Variants in CENPP observed in about 807,000 individuals in gnomAD.
CENPP encodes the protein centromere protein P.
CENPP carries 24 observed loss-of-function variants against 35.6 expected under a neutral mutation model. The observed-to-expected ratio is 0.67, with a 90% confidence interval of 0.49 to 0.95. CENPP has a LOEUF of 0.95. Ranked by LOEUF, CENPP falls within the 40% of genes least tolerant of loss-of-function variation. The pLI is 0.00. For synonymous variants in CENPP, 120 were observed against 125.5 expected, an observed-to-expected ratio of 0.96 and a Z score of 0.29; for missense variants, 332 against 345.3, an observed-to-expected ratio of 0.96 and a Z score of 0.31.
At chr9:92,417,557 A>G in intron 5 of CENPP, 4 of 1,550,902 alleles carry the variant, frequency 2.6e-6, no homozygotes, top group South Asian at 1.2e-5. Flanking sequence ...TAAAAAACCC[A>G]TCTTCTTTTT....
At chr9:92,560,030 C>T (rs1197572938) in intron 5 of CENPP, among the ~76,000 whole-genome samples, 1 of 152,124 alleles carries the variant, frequency 6.6e-6, no homozygotes, top group Non-Finnish European at 1.5e-5. Flanking sequence ...GTCCCTGCTA[C>T]TTGGGAGGCT....
At chr9:92,420,416 T>G (rs1843753939) in intron 5 of CENPP, among the ~76,000 whole-genome samples, 1 of 152,224 alleles carries the variant, frequency 6.6e-6, no homozygotes, top group South Asian at 2.1e-4. Flanking sequence ...ACTCCAATTC[T>G]CTACCTACTC....
chr9:92,502,665 G>A, intron 5 of CENPP: 3 of 1,532,094 alleles, frequency 2.0e-6, no homozygotes, highest in Non-Finnish European at 1.8e-6. Flanking sequence ...ATAATTAAGA[G>A]AGAAGACTAT....
At chr9:92,395,935 T>G (rs1465700438) in intron 5 of CENPP, among the ~76,000 whole-genome samples, 1 of 151,750 alleles carries the variant, frequency 6.6e-6, no homozygotes, top group Non-Finnish European at 1.5e-5. Flanking sequence ...TTAAGTAATG[T>G]TTGCCGACCA....
At chr9:92,444,786 G>C (rs574110650) in intron 5 of CENPP, among the ~76,000 whole-genome samples, 1 of 152,270 alleles carries the variant, frequency 6.6e-6, no homozygotes, top group East Asian at 1.9e-4. Flanking sequence ...GCGTGTGCAA[G>C]CTGGTGCATG....
chr9:92,543,809 T>C (rs1228191463), intron 5 of CENPP, among the ~76,000 whole-genome samples: 2 of 152,194 alleles, frequency 1.3e-5, no homozygotes, highest in Non-Finnish European at 2.9e-5. Context: ...ACGTATCTAT[T>C]GTAAATTTTC....
At chr9:92,557,160 T>C (rs1216525088) in intron 5 of CENPP, among the ~76,000 whole-genome samples, 1 of 152,252 alleles carries the variant, frequency 6.6e-6, no homozygotes, top group Non-Finnish European at 1.5e-5. Flanking sequence ...CAATCCCTTC[T>C]AGCTTATAGG....
intron 5 of CENPP, among the ~76,000 whole-genome samples, chr9:92,581,326 C>A (rs571588893): frequency 6.6e-6 from 1 of 152,134 alleles, no homozygotes; most frequent in East Asian, 1.9e-4. Context: ...TTCTATAAGA[C>A]ATACATTATA....
At chr9:92,579,891 G>T (rs1247996947) in intron 5 of CENPP, among the ~76,000 whole-genome samples, 1 of 148,550 alleles carries the variant, frequency 6.7e-6, no homozygotes, top group Admixed American at 6.7e-5. Context: ...GTTTTCAAAG[G>T]GAGTGCTTCC....
chr9:92,567,856 A>G (rs961402659), intron 5 of CENPP, among the ~76,000 whole-genome samples: 1 of 152,160 alleles, frequency 6.6e-6, no homozygotes, highest in African/African-American at 2.4e-5. Flanking sequence ...AACTTGTACA[A>G]AAGGAAACAA....
chr9:92,613,215 A>C lies in CENPP; in HGVS notation c.*66A>C. ...AGGAACATGCAATTTTATTCAATATAAACATTTGCTATTTTCTGCTTAGAA... is the reference window on the plus strand; with the variant it reads ...AGGAACATGCAATTTTATTCAATATCAACATTTGCTATTTTCTGCTTAGAA... On this transcript the variant is annotated 3_prime_UTR_variant, in exon 8 of 8. Transcript: ENST00000375587. 4 of 1,598,676 alleles carry C rather than the reference A, an allele frequency of 2.5e-6. No homozygotes were observed. The highest frequency in any genetic ancestry group is 3.4e-6 in the Non-Finnish European group (4 of 1,167,044).
chr9:92,537,506 A>G (rs1036623470), intron 5 of CENPP, among the ~76,000 whole-genome samples: 7 of 152,026 alleles, frequency 4.6e-5, no homozygotes, highest in Non-Finnish European at 1.0e-4. Flanking sequence ...CTAACAGTAC[A>G]AAAATTAGCC....
chr9:92,530,264 C>A (rs1462930345), intron 5 of CENPP, among the ~76,000 whole-genome samples: 1 of 151,894 alleles, frequency 6.6e-6, no homozygotes, highest in Admixed American at 6.6e-5. Flanking sequence ...CAAGAGTGAA[C>A]CCTAATGTAA....
chr9:92,511,924 T>A, intron 5 of CENPP: 1 of 966,520 alleles, frequency 1.0e-6, no homozygotes, highest in Non-Finnish European at 1.5e-6. Context: ...TAGAAGCATT[T>A]TCCTTTTCCT....
intron 5 of CENPP, among the ~76,000 whole-genome samples, chr9:92,606,417 C>T (rs1169320912): frequency 6.6e-6 from 1 of 152,156 alleles, no homozygotes; most frequent in Admixed American, 6.5e-5. Flanking sequence ...AATCAGAACT[C>T]TTGTACACTG....
intron 6 of CENPP, among the ~76,000 whole-genome samples, chr9:92,611,869 T>C (rs113154830): frequency 0.011 from 1,664 of 152,328 alleles, 35 homozygotes; most frequent in African/African-American, 0.038. Flanking sequence ...TGGACATGTA[T>C]CCATCTGGGT....
At chr9:92,430,713 ATTTG>A (rs1844086104) in intron 5 of CENPP, among the ~76,000 whole-genome samples, 1 of 151,910 alleles carries the variant, frequency 6.6e-6, no homozygotes, top group Non-Finnish European at 1.5e-5. Flanking sequence ...TTACTTCTGC[ATTTG>A]CTGAAAAATT....
intron 5 of CENPP, among the ~76,000 whole-genome samples, chr9:92,446,119 A>G (rs994201471): frequency 2.6e-5 from 4 of 152,188 alleles, no homozygotes; most frequent in Admixed American, 1.3e-4. Flanking sequence ...TCTTAATACC[A>G]GGACTTTATA....
At chr9:92,499,428 A>G (rs1173819475) in intron 5 of CENPP, among the ~76,000 whole-genome samples, 4 of 152,200 alleles carry the variant, frequency 2.6e-5, no homozygotes. Flanking sequence ...GAAATTCATC[A>G]TTTTGTTACC....
Sources: gnomAD v4.1 joint callset for allele counts (sites outside exome capture counted in the v4.1 genomes callset) on GRCh38, gnomAD v4.1.1 for gene constraint, MANE v1.5 for transcripts, NCBI Gene and HGNC (gene_info 2026-07-23, HGNC 2026-07-21) for gene names.